Variants in LSAMP observed in about 807,000 individuals in gnomAD.
LSAMP encodes the protein limbic system associated membrane protein.
In LSAMP, 7 loss-of-function variants were observed where a neutral mutation model predicts 38.6. The ratio of observed to expected loss-of-function variants is 0.18; its 90% CI spans 0.10 to 0.34. LSAMP has a LOEUF of 0.34. Among genes scored for constraint, LSAMP ranks in the 10% least tolerant of loss-of-function variants. The pLI is 1.00. For missense variants in LSAMP, 313 were observed against 420.0 expected (o/e 0.75, Z 2.23); for synonymous variants, 154 against 166.8 (o/e 0.92, Z 0.59).
chr3:115,918,879 A>G (rs1161013806), intron 3 of LSAMP, among the ~76,000 whole-genome samples: 2 of 152,118 alleles, frequency 1.3e-5, no homozygotes, highest in African/African-American at 4.8e-5. Context: ...AATTCCTTAC[A>G]TGTATTTTTC....
intron 1 of LSAMP, among the ~76,000 whole-genome samples, chr3:116,172,286 G>A (rs1710220817): frequency 6.6e-6 from 1 of 151,276 alleles, no homozygotes. Context: ...AGCAAAAAGG[G>A]TTAAAATTTT....
intron 1 of LSAMP, among the ~76,000 whole-genome samples, chr3:116,108,044 A>G (rs1017796886): frequency 4.9e-4 from 74 of 152,116 alleles, no homozygotes; most frequent in Non-Finnish European, 5.9e-4. Flanking sequence ...CTTTCAAAGC[A>G]TGCTGTGGGA....
intron 1 of LSAMP, among the ~76,000 whole-genome samples, chr3:116,285,660 A>G (rs2107686629): frequency 6.6e-6 from 1 of 152,320 alleles, no homozygotes; most frequent in East Asian, 1.9e-4. Flanking sequence ...AGAATGTAAA[A>G]GTCATGAAAA....
At chr3:116,438,060 CA>C (rs10637606) in intron 1 of LSAMP, among the ~76,000 whole-genome samples, 11,322 of 126,220 alleles carry the variant, frequency 0.09, 437 homozygotes, top group South Asian at 0.13. Flanking sequence ...CAGGTAACTA[CA>C]AAAAAAAAAA....
chr3:116,153,553 T>A (rs1709671740), intron 1 of LSAMP, among the ~76,000 whole-genome samples: 1 of 152,128 alleles, frequency 6.6e-6, no homozygotes, highest in East Asian at 1.9e-4. Context: ...ATCTCACAAA[T>A]TCGTGGAAAA....
At chr3:115,822,656 G>A (rs993236143) in intron 6 of LSAMP, among the ~76,000 whole-genome samples, 9 of 152,098 alleles carry the variant, frequency 5.9e-5, no homozygotes, top group Admixed American at 3.3e-4. Flanking sequence ...CACTGCCCCC[G>A]GCCTTCCTAT....
intron 1 of LSAMP, among the ~76,000 whole-genome samples, chr3:116,421,631 A>C (rs1033099822): frequency 6.6e-6 from 1 of 152,210 alleles, no homozygotes; most frequent in Non-Finnish European, 1.5e-5. Context: ...AAATATTTGA[A>C]TAACACATTA....
chr3:116,124,048 A>G (rs1708951950), intron 1 of LSAMP, among the ~76,000 whole-genome samples: 1 of 152,198 alleles, frequency 6.6e-6, no homozygotes, highest in Non-Finnish European at 1.5e-5. Flanking sequence ...CTAGGCAGAG[A>G]AGCAACAAAT....
intron 1 of LSAMP, among the ~76,000 whole-genome samples, chr3:116,135,348 G>A (rs1709224809): frequency 6.6e-6 from 1 of 152,166 alleles, no homozygotes; most frequent in Non-Finnish European, 1.5e-5. Context: ...CATTATCTAT[G>A]TTAATTTCAC....
chr3:115,966,292 C>G (rs975770738), intron 3 of LSAMP, among the ~76,000 whole-genome samples: 1 of 152,158 alleles, frequency 6.6e-6, no homozygotes, highest in Admixed American at 6.5e-5. Flanking sequence ...GTACATGAAG[C>G]CTTGATCTCG....
intron 1 of LSAMP, among the ~76,000 whole-genome samples, chr3:116,198,463 A>G (rs959246950): frequency 6.6e-6 from 1 of 152,126 alleles, no homozygotes; most frequent in East Asian, 1.9e-4. Flanking sequence ...TAGAGAAGGA[A>G]ATTTCTATTA....
intron 1 of LSAMP, among the ~76,000 whole-genome samples, chr3:116,173,172 G>T (rs1335224672): frequency 1.3e-5 from 2 of 152,056 alleles, no homozygotes; most frequent in African/African-American, 4.8e-5. Context: ...CAAAAATGGA[G>T]CTGAGTACAG....
chr3:116,369,541 G>A (rs2048402732), intron 1 of LSAMP, among the ~76,000 whole-genome samples: 1 of 152,230 alleles, frequency 6.6e-6, no homozygotes, highest in South Asian at 2.1e-4. Flanking sequence ...GAATGAATAA[G>A]TTTAGAGGAG....
intron 3 of LSAMP, among the ~76,000 whole-genome samples, chr3:115,899,906 A>G (rs879402304): frequency 3.3e-5 from 5 of 152,186 alleles, no homozygotes; most frequent in African/African-American, 7.2e-5. Flanking sequence ...AAATTGAAAG[A>G]TCGTCTTCCT....
chr3:116,407,577 T>C (rs1331183935), intron 1 of LSAMP, among the ~76,000 whole-genome samples: 5 of 152,070 alleles, frequency 3.3e-5, no homozygotes, highest in Non-Finnish European at 7.4e-5. Flanking sequence ...AGGATGTGCA[T>C]AAAAGCGAAT....
chr3:116,253,180 C>A (rs1037335013), intron 1 of LSAMP, among the ~76,000 whole-genome samples: 1 of 151,694 alleles, frequency 6.6e-6, no homozygotes, highest in Middle Eastern at 3.4e-3. Flanking sequence ...GAGAAATGGA[C>A]GCATTTTGCA....
At chr3:115,883,120 A>G (rs1456211294) in intron 3 of LSAMP, among the ~76,000 whole-genome samples, 1 of 152,086 alleles carries the variant, frequency 6.6e-6, no homozygotes, top group East Asian at 1.9e-4. Flanking sequence ...AGCATTATTT[A>G]TATTTTTCTC....
chr3:116,377,177 T>G (rs1354709635), intron 1 of LSAMP, among the ~76,000 whole-genome samples: 3 of 152,016 alleles, frequency 2.0e-5, no homozygotes, highest in East Asian at 3.9e-4. Flanking sequence ...ACCCATTACC[T>G]AGGTATCAAG....
At chr3:115,814,386 C>A (rs900240391) in intron 6 of LSAMP, 2 of 152,166 alleles carry the variant, frequency 1.3e-5, no homozygotes, top group African/African-American at 4.8e-5. Flanking sequence ...ATAAAACATT[C>A]TGAAACTGAG....
Sources: gnomAD v4.1 joint callset for allele counts (sites outside exome capture counted in the v4.1 genomes callset) on GRCh38, gnomAD v4.1.1 for gene constraint, MANE v1.5 for transcripts, NCBI Gene and HGNC (gene_info 2026-07-23, HGNC 2026-07-21) for gene names.